FNIP2: variants seen among roughly 807,000 people sequenced by gnomAD.
FNIP2 encodes folliculin interacting protein 2, also known as folliculin-interacting protein 2.
A neutral mutation model predicts 108.7 loss-of-function variants in FNIP2; 32 were observed. The ratio of observed to expected loss-of-function variants is 0.29; its 90% CI spans 0.22 to 0.40. The LOEUF is 0.40. Ranked by LOEUF, FNIP2 falls within the 10% of genes least tolerant of loss-of-function variation. FNIP2 has a pLI of 1.00. For synonymous variants in FNIP2, 480 were observed against 496.7 expected (o/e 0.97, Z 0.45); for missense variants, 1,202 against 1,381.6 (o/e 0.87, Z 2.06).
chr4:158,896,768 C>T (rs1253038960), intron 16 of FNIP2, among the ~76,000 whole-genome samples: 4 of 149,506 alleles, frequency 2.7e-5, no homozygotes, highest in African/African-American at 1.0e-4. Flanking sequence ...TGCAACATGT[C>T]TCTTTGTCGT....
At chr4:158,876,432 G>A (rs1471500947) in intron 14 of FNIP2, among the ~76,000 whole-genome samples, 1 of 152,164 alleles carries the variant, frequency 6.6e-6, no homozygotes, top group Non-Finnish European at 1.5e-5. Flanking sequence ...TTATGCCCCA[G>A]TAACACTGTT....
Position 158,830,583 on chromosome 4 carries a change from G to A in FNIP2, c.382-1278G>A, listed in dbSNP as rs114833680. 5.9e-3 allele frequency among the ~76,000 whole-genome samples: 902 copies of A among 152,178 alleles called. 6 individuals carry two copies. The highest frequency in any genetic ancestry group is 0.02 in the African/African-American group (832 of 41,530). ...GGCCCAGATTTATCTTTCTCTTTCC[G>A]CCTCTGCAACCGTGCATAAGTAAGT... On this transcript the variant is annotated intron_variant, in intron 3 of 16. Transcript: ENST00000264433.
intron 7 of FNIP2, among the ~76,000 whole-genome samples, chr4:158,850,973 C>A (rs1337554801): frequency 6.6e-6 from 1 of 151,980 alleles, no homozygotes; most frequent in Non-Finnish European, 1.5e-5. Context: ...GTTTTCTTTG[C>A]TGTTCAGAAA....
At chr4:158,889,193 AAAAT>A (rs1782165117) in intron 14 of FNIP2, among the ~76,000 whole-genome samples, 1 of 152,222 alleles carries the variant, frequency 6.6e-6, no homozygotes, top group African/African-American at 2.4e-5. Context: ...CTGTCTCTAA[AAAAT>A]AAATAAATAC....
Position 158,801,273 on chromosome 4 carries a change from C to A in FNIP2, c.108-24643C>A, listed in dbSNP as rs369793584. 1.1e-4 allele frequency among the ~76,000 whole-genome samples: 16 copies of A among 152,156 alleles called. No individual in the cohort carries two copies. In the East Asian group the frequency reaches 2.7e-3, roughly 26 times the overall value. The stretch of plus-strand genomic sequence containing the variant: ...TGAGTGAGTAGGGCAGGGTTCATGG[C>A]AAGGTGTCCGACAAGATACTTAGTC... On this transcript the variant is annotated intron_variant, in intron 1 of 16. Coordinates refer to ENST00000264433, the MANE Select transcript of FNIP2 (RefSeq NM_020840.3).
intron 14 of FNIP2, chr4:158,872,751 T>C (rs1027235941): frequency 4.4e-5 from 33 of 752,558 alleles, no homozygotes; most frequent in Non-Finnish European, 4.8e-5. Flanking sequence ...TTTTTTTTTT[T>C]AAAAAACAGG....
At chr4:158,822,669 TA>T (rs1553957811) in intron 1 of FNIP2, among the ~76,000 whole-genome samples, 3 of 152,150 alleles carry the variant, frequency 2.0e-5, no homozygotes, top group Non-Finnish European at 2.9e-5. Flanking sequence ...AGCTAATTTT[TA>T]AAAAATTTTA....
chr4:158,848,172 G>T (rs1347857569), intron 7 of FNIP2, among the ~76,000 whole-genome samples: 1 of 152,182 alleles, frequency 6.6e-6, no homozygotes, highest in Non-Finnish European at 1.5e-5. Flanking sequence ...CTTGCAGCAG[G>T]CCTTGGGCAA....
chr4:158,833,944 G>A (rs186297861), intron 6 of FNIP2: 1 of 1,170,666 alleles, frequency 8.5e-7, no homozygotes, highest in Non-Finnish European at 1.1e-6. Flanking sequence ...TAAATCCTGT[G>A]CAGGTTCTTA....
At chr4:158,829,732 G>T (rs1778361177) in intron 3 of FNIP2, among the ~76,000 whole-genome samples, 1 of 152,050 alleles carries the variant, frequency 6.6e-6, no homozygotes, top group South Asian at 2.1e-4. Context: ...GTGTGTGTGT[G>T]TGTGTATAAG....
intron 1 of FNIP2, among the ~76,000 whole-genome samples, chr4:158,816,715 G>A (rs962872038): frequency 1.3e-5 from 2 of 151,596 alleles, no homozygotes; most frequent in African/African-American, 2.4e-5. Context: ...AACCCAGGAG[G>A]TGGAGGTTGC....
chr4:158,826,425 A>T (rs778018619), intron 2 of FNIP2, among the ~76,000 whole-genome samples: 2 of 152,250 alleles, frequency 1.3e-5, no homozygotes, highest in Non-Finnish European at 2.9e-5. Context: ...TGTGAAGATC[A>T]TTCTGTCCAG....
chr4:158,845,020 A>G (rs1346744106), intron 7 of FNIP2, among the ~76,000 whole-genome samples: 1 of 152,240 alleles, frequency 6.6e-6, no homozygotes, highest in Middle Eastern at 3.2e-3. Context: ...CGTTAACCAG[A>G]TATAAAATGT....
At chr4:158,895,284 T>G (rs1297583263) in intron 15 of FNIP2, among the ~76,000 whole-genome samples, 1 of 152,162 alleles carries the variant, frequency 6.6e-6, no homozygotes, top group Admixed American at 6.6e-5. Context: ...CAGAATAATC[T>G]GAGCTATTGG....
intron 1 of FNIP2, among the ~76,000 whole-genome samples, chr4:158,798,907 A>G (rs1776674657): frequency 6.6e-6 from 1 of 152,250 alleles, no homozygotes; most frequent in Non-Finnish European, 1.5e-5. Context: ...CCTCTGTCAG[A>G]TAAATAGTTG....
chr4:158,795,173 C>G (rs1373961962), intron 1 of FNIP2, among the ~76,000 whole-genome samples: 4 of 152,204 alleles, frequency 2.6e-5, no homozygotes, highest in African/African-American at 4.8e-5. Context: ...GCATTTGAAT[C>G]TATGTCACAT....
At chr4:158,847,903 A>G (rs1160358438) in intron 7 of FNIP2, among the ~76,000 whole-genome samples, 1 of 151,436 alleles carries the variant, frequency 6.6e-6, no homozygotes, top group Admixed American at 6.6e-5. Context: ...ATGGAGAGAG[A>G]CTCCTCTGCC....
At chr4:158,776,662 GA>G (rs141154101) in intron 1 of FNIP2, among the ~76,000 whole-genome samples, 2,455 of 152,298 alleles carry the variant, frequency 0.016, 62 homozygotes, top group African/African-American at 0.056. Context: ...AACTGTAAAT[GA>G]AACAAGAAAA....
intron 1 of FNIP2, chr4:158,796,152 C>T (rs548876967): frequency 1.3e-5 from 2 of 152,180 alleles, no homozygotes; most frequent in South Asian, 4.2e-4. Flanking sequence ...AATATTGAAA[C>T]GTTTTCGGAA....
Sources: gnomAD v4.1 joint callset for allele counts (sites outside exome capture counted in the v4.1 genomes callset) on GRCh38, gnomAD v4.1.1 for gene constraint, MANE v1.5 for transcripts, NCBI Gene and HGNC (gene_info 2026-07-23, HGNC 2026-07-21) for gene names.